The following USP28 variants were observed in gnomAD, a reference collection of about 807,000 sequenced individuals.
USP28 encodes ubiquitin carboxyl-terminal hydrolase 28.
Under a neutral mutation model 145.0 loss-of-function variants are expected in USP28, and 113 were observed. The ratio of observed to expected loss-of-function variants is 0.78; its 90% confidence interval spans 0.67 to 0.91. USP28 has a LOEUF of 0.91. Ranked by LOEUF, USP28 falls within the 40% of genes least tolerant of loss-of-function variation. The pLI, the probability that USP28 is intolerant of heterozygous loss-of-function variation, is 0.00. For synonymous variants in USP28, 447 were observed against 450.9 expected (o/e 0.99, Z 0.11); for missense variants, 1,201 against 1,289.6 (o/e 0.93, Z 1.05).
At chr11:113,825,025 A>C (rs1943137260) in intron 11 of USP28, among the ~76,000 whole-genome samples, 1 of 152,188 alleles carries the variant, frequency 6.6e-6, no homozygotes, top group Non-Finnish European at 1.5e-5. Context: ...ACTGGGTAGA[A>C]ACTGACAAGC....
intron 3 of USP28, among the ~76,000 whole-genome samples, chr11:113,846,494 T>C (rs1425974534): frequency 6.6e-6 from 1 of 152,210 alleles, no homozygotes; most frequent in Admixed American, 6.5e-5. Flanking sequence ...AACAGAATGG[T>C]AGTTACCAGG....
At position 113,840,761 on chromosome 11, in the gene USP28, T is replaced by C. The variant is rs766588479; in HGVS notation, c.375-4A>G. On this transcript the variant is annotated splice_polypyrimidine_tract_variant and splice_region_variant and intron_variant, in intron 4 of 24. Coordinates refer to ENST00000003302, the Ensembl canonical transcript of USP28. Reference sequence around the variant, plus strand: ...TGCAGAGGTTGCTTCATGCATCCTATATTGTGCAGCGTGCCACACAGCAAA... The same window carrying C: ...TGCAGAGGTTGCTTCATGCATCCTACATTGTGCAGCGTGCCACACAGCAAA... The C allele has an allele frequency of 2.6e-5, 42 of 1,613,228 alleles. No homozygotes were observed. The highest frequency in any genetic ancestry group is 1.6e-4 in the Middle Eastern group (1 of 6,084).
At chr11:113,869,640 T>C in intron 1 of USP28, among the ~76,000 whole-genome samples, 1 of 152,114 alleles carries the variant, frequency 6.6e-6, no homozygotes, top group East Asian at 1.9e-4. Flanking sequence ...AGGGTAATAG[T>C]TCACACCTTG....
chr11:113,818,025 C>A, intron 12 of USP28, 188 bp from the exon 13 acceptor site: 1 of 495,002 alleles, frequency 2.0e-6, no homozygotes, highest in Non-Finnish European at 3.4e-6. Flanking sequence ...TAAAAATTGC[C>A]AACAATCTGA....
exon 25 of USP28, chr11:113,799,372 T>C (rs778859929): frequency 2.5e-6 from 4 of 1,614,214 alleles, no homozygotes; most frequent in Admixed American, 3.3e-5. Context: ...CAGAAGGATC[T>C]AGAAGTCTGG....
chr11:113,804,821 C>A (rs1208346573), intron 20 of USP28, 47 bp downstream of exon 21: 2 of 1,611,396 alleles, frequency 1.2e-6, no homozygotes, highest in Admixed American at 3.3e-5. Flanking sequence ...AGGAGTCCAT[C>A]TAGCCCAACC....
At chr11:113,810,591 T>C (rs1188003229) in intron 16 of USP28, among the ~76,000 whole-genome samples, 1 of 152,258 alleles carries the variant, frequency 6.6e-6, no homozygotes, top group African/African-American at 2.4e-5. Context: ...GATTACTTAC[T>C]GTTCATTTAT....
intron 3 of USP28, 62 bp downstream of exon 3, chr11:113,852,439 T>C (rs995746673): frequency 2.9e-5 from 46 of 1,603,396 alleles, no homozygotes; most frequent in Non-Finnish European, 3.8e-5. Flanking sequence ...AACTCACATA[T>C]ACTTGGTTTG....
chr11:113,799,752 C>T (rs1938604988), intron 24 of USP28, among the ~76,000 whole-genome samples: 1 of 152,124 alleles, frequency 6.6e-6, no homozygotes, highest in Non-Finnish European at 1.5e-5. Flanking sequence ...AGTGTATACA[C>T]ATGGTTTTAA....
At chr11:113,816,709 A>T (rs1394486097) in intron 13 of USP28, among the ~76,000 whole-genome samples, 1 of 152,214 alleles carries the variant, frequency 6.6e-6, no homozygotes, top group Non-Finnish European at 1.5e-5. Flanking sequence ...ATCTAATACC[A>T]AGCACTATTA....
intron 1 of USP28, among the ~76,000 whole-genome samples, chr11:113,870,797 A>T (rs1435993758): frequency 6.6e-6 from 1 of 152,172 alleles, no homozygotes; most frequent in Non-Finnish European, 1.5e-5. Flanking sequence ...GTCTTTTCCA[A>T]GTTTTGTATA....
At chr11:113,829,391 T>C in intron 9 of USP28, 46 bp from the exon 10 acceptor site, 1 of 1,601,394 alleles carries the variant, frequency 6.2e-7, no homozygotes, top group Non-Finnish European at 8.5e-7. Flanking sequence ...ACTATGACTA[T>C]CTAAAGCCTA....
intron 5 of USP28, 99 bp from the exon 6 acceptor site, chr11:113,834,434 T>A: frequency 1.3e-6 from 1 of 781,700 alleles, no homozygotes; most frequent in Non-Finnish European, 1.9e-6. Context: ...TATTTAAAAG[T>A]ATGCAAAACT....
intron 3 of USP28, 136 bp downstream of exon 3, chr11:113,852,365 A>G (rs1752989315): frequency 4.9e-6 from 6 of 1,227,032 alleles, no homozygotes; most frequent in Non-Finnish European, 6.8e-6. Context: ...CCTGCCACAT[A>G]GCAATAGCTC....
chr11:113,823,256 A>C (rs1433516337), intron 12 of USP28, among the ~76,000 whole-genome samples: 1 of 152,192 alleles, frequency 6.6e-6, no homozygotes, highest in African/African-American at 2.4e-5. Flanking sequence ...TGCTTTTCCA[A>C]AAGTGGACGG....
At chr11:113,862,648 C>T (rs1947812679) in intron 1 of USP28, among the ~76,000 whole-genome samples, 1 of 152,142 alleles carries the variant, frequency 6.6e-6, no homozygotes, top group South Asian at 2.1e-4. Context: ...GTAGGACATA[C>T]TCTGAACATC....
At chr11:113,858,236 A>T (rs1195443593) in intron 1 of USP28, among the ~76,000 whole-genome samples, 1 of 152,132 alleles carries the variant, frequency 6.6e-6, no homozygotes, top group Non-Finnish European at 1.5e-5. Flanking sequence ...TAGCTCCAAC[A>T]ACAATGTTCT....
At chr11:113,852,687 C>T in intron 2 of USP28, 54 bp from the exon 3 acceptor site, 1 of 1,596,082 alleles carries the variant, frequency 6.3e-7, no homozygotes, top group Non-Finnish European at 8.5e-7. Context: ...AATTTAAAAC[C>T]AGTTTTGAGT....
intron 3 of USP28, among the ~76,000 whole-genome samples, chr11:113,845,502 A>T (rs1203029647): frequency 1.3e-5 from 2 of 152,178 alleles, no homozygotes; most frequent in Non-Finnish European, 2.9e-5. Context: ...AACAGTATGG[A>T]AGCTATTCAA....
Sources: allele counts gnomAD v4.1 joint callset (sites outside exome capture counted in the v4.1 genomes callset), GRCh38; gene constraint gnomAD v4.1.1; transcripts MANE v1.5; gene names NCBI Gene and HGNC (gene_info 2026-07-23, HGNC 2026-07-21).